TFEC: variants seen among roughly 807,000 people sequenced by gnomAD.
TFEC encodes the protein transcription factor EC, also known as class E basic helix-loop-helix protein 34.
In TFEC, 31 loss-of-function variants were observed where a neutral mutation model predicts 41.6. That is an observed-to-expected ratio of 0.74 (90% confidence interval 0.56 to 1.01). The LOEUF is 1.01. TFEC is among the 50% of genes least tolerant of loss of function. The pLI, the probability that TFEC is intolerant of heterozygous loss-of-function variation, is 0.00. For missense variants in TFEC, 402 were observed against 404.1 expected (o/e 0.99, Z 0.04); for synonymous variants, 143 against 140.6 (o/e 1.02, Z -0.12).
At chr7:115,948,072 C>G (rs1791704905) in intron 6 of TFEC, among the ~76,000 whole-genome samples, 1 of 152,148 alleles carries the variant, frequency 6.6e-6, no homozygotes, top group Non-Finnish European at 1.5e-5. Context: ...ACCAACACCT[C>G]TACTCAAATA....
intron 3 of TFEC, among the ~76,000 whole-genome samples, chr7:116,043,227 T>TA (rs1320487657): frequency 1.3e-5 from 2 of 152,164 alleles, no homozygotes; most frequent in African/African-American, 4.8e-5. Context: ...TATGTGGATA[T>TA]AATGATTTTC....
In TFEC at chr7:115,936,817, G is replaced by T. The variant is rs1793248901; in HGVS notation, c.*3734C>A. 1 of 151,402 alleles carries T rather than the reference G, an allele frequency of 6.6e-6. No homozygotes were observed. The highest frequency in any genetic ancestry group is 6.6e-5 in the Admixed American group (1 of 15,160). 9.4% of individuals were successfully genotyped at this position (151,402 alleles called of 1,614,324 possible). A position where few individuals can be genotyped will look rare whatever the true frequency, so the allele number is the denominator to read the frequency against. On this transcript the variant is annotated 3_prime_UTR_variant, in exon 8 of 8. Transcript: ENST00000265440. Reference sequence around the variant, plus strand: ...ACAGTCATGTAGGTGGGAAAAAAATGAGTTGAAAAAGGAAGAGGAAGGCTA... The same window carrying T: ...ACAGTCATGTAGGTGGGAAAAAAATTAGTTGAAAAAGGAAGAGGAAGGCTA...
At chr7:115,959,908 G>C (rs111853861) in intron 3 of TFEC, among the ~76,000 whole-genome samples, 34 of 151,498 alleles carry the variant, frequency 2.2e-4, no homozygotes, top group South Asian at 1.0e-3. Context: ...TTCGAAAAGA[G>C]AGAAAAATAA....
At chr7:116,030,773 T>C (rs1795761910), upstream of TFEC, 4 of 985,408 alleles carry the variant, frequency 4.1e-6, no homozygotes, top group South Asian at 1.4e-4. Flanking sequence ...TACTTTGGGC[T>C]GGTTGGAATC....
rs183406110 is a variant in TFEC, at chr7:116,086,171, C to T, written c.198+24537G>A. Among the ~76,000 whole-genome samples the T allele has an allele frequency of 1.8e-3, 279 of 151,562 alleles. 1 individual carries two copies. The highest frequency in any genetic ancestry group is 6.8e-3 in the Middle Eastern group (2 of 294). On this transcript the variant is annotated intron_variant, in intron 3 of 8. Coordinates refer to the TFEC transcript ENST00000484212. The stretch of plus-strand genomic sequence containing the variant: ...AAAGTATTTTCATTCTAATGATTTC[C>T]CTCAACTCAAATTTACATATTCGAA...
intron 3 of TFEC, among the ~76,000 whole-genome samples, chr7:115,961,682 A>C (rs1386484213): frequency 6.6e-6 from 1 of 151,704 alleles, no homozygotes; most frequent in Non-Finnish European, 1.5e-5. Flanking sequence ...AACATTTCAA[A>C]TGAAAGGAGA....
At chr7:115,985,047 T>C (rs1355580747) in intron 1 of TFEC, among the ~76,000 whole-genome samples, 1 of 152,074 alleles carries the variant, frequency 6.6e-6, no homozygotes, top group Non-Finnish European at 1.5e-5. Flanking sequence ...TTTTTCTACT[T>C]TTCTGTACTT....
chr7:115,948,763 G>GCAC (rs1280204218), intron 6 of TFEC, among the ~76,000 whole-genome samples: 2 of 148,454 alleles, frequency 1.3e-5, no homozygotes, highest in South Asian at 2.2e-4. Context: ...GCAAAAACTG[G>GCAC]AAGCATTCCC....
chr7:115,984,552 C>A (rs747079379), intron 1 of TFEC, 39 bp from the exon 2 acceptor site: 1 of 1,595,228 alleles, frequency 6.3e-7, no homozygotes, highest in Non-Finnish European at 8.6e-7. Context: ...TGTGCAGCAT[C>A]AGCTGTGAAA....
At chr7:116,143,930 T>G (rs553312043) in intron 1 of TFEC, among the ~76,000 whole-genome samples, 3 of 152,128 alleles carry the variant, frequency 2.0e-5, no homozygotes, top group Admixed American at 6.5e-5. Flanking sequence ...TAAGAAAAGG[T>G]AGAGCCTCGC....
At chr7:115,961,851 T>G (rs1255321403) in intron 3 of TFEC, among the ~76,000 whole-genome samples, 1 of 151,628 alleles carries the variant, frequency 6.6e-6, no homozygotes, top group African/African-American at 2.4e-5. Context: ...CTATCCATAT[T>G]GGAAAGGAAT....
chr7:115,991,450 G>C (rs1794108050), intron 1 of TFEC, among the ~76,000 whole-genome samples: 1 of 152,152 alleles, frequency 6.6e-6, no homozygotes, highest in Admixed American at 6.5e-5. Flanking sequence ...AAAGAGTCAA[G>C]AGCCATCAGT....
At chr7:116,042,456 T>G (rs1423064127) in intron 3 of TFEC, among the ~76,000 whole-genome samples, 1 of 152,192 alleles carries the variant, frequency 6.6e-6, no homozygotes, top group Non-Finnish European at 1.5e-5. Context: ...GCTAATGTTA[T>G]TTAATTCTGA....
At chr7:116,121,182 G>A (rs1562977085) in intron 1 of TFEC, among the ~76,000 whole-genome samples, 1 of 151,908 alleles carries the variant, frequency 6.6e-6, no homozygotes, top group Non-Finnish European at 1.5e-5. Context: ...TCTGCAAAAT[G>A]AGGTATATAC....
In TFEC at chr7:116,129,024, C is replaced by A. The variant is rs918949810; in HGVS notation, c.-68-16986G>T. Among the ~76,000 whole-genome samples the A allele has an allele frequency of 3.4e-4, 52 of 150,938 alleles. 1 individual carries two copies. The highest frequency in any genetic ancestry group is 6.3e-4 in the South Asian group (3 of 4,780). The stretch of plus-strand genomic sequence containing the variant: ...ACGAATTATTACATTGAAAAAAAAA[C>A]CAAAGTCCAGACATGTACTGTTTTC... On this transcript the variant is annotated intron_variant, in intron 1 of 8. Transcript: ENST00000484212.
chr7:116,062,573 A>ATG (rs1796591771), intron 3 of TFEC, among the ~76,000 whole-genome samples: 1 of 71,866 alleles, frequency 1.4e-5, no homozygotes, highest in Non-Finnish European at 2.8e-5. Context: ...ATATATATAT[A>ATG]TATATATATA....
At chr7:116,051,051 A>C (rs1796298042) in intron 3 of TFEC, among the ~76,000 whole-genome samples, 1 of 152,222 alleles carries the variant, frequency 6.6e-6, no homozygotes, top group South Asian at 2.1e-4. Flanking sequence ...GCAAGGACAG[A>C]AAACCAAACA....
At chr7:116,155,463 C>T (rs952640593) in intron 1 of TFEC, among the ~76,000 whole-genome samples, 2 of 152,176 alleles carry the variant, frequency 1.3e-5, no homozygotes, top group African/African-American at 4.8e-5. Context: ...CCAGCATCTA[C>T]CTCAGATGGC....
intron 3 of TFEC, among the ~76,000 whole-genome samples, chr7:116,052,002 G>T (rs1043647173): frequency 6.6e-6 from 1 of 151,652 alleles, no homozygotes; most frequent in Admixed American, 6.6e-5. Context: ...CCCATTTCCT[G>T]ATATGGGTAA....
Sources: allele counts gnomAD v4.1 joint callset (sites outside exome capture counted in the v4.1 genomes callset), GRCh38; gene constraint gnomAD v4.1.1; transcripts MANE v1.5; gene names NCBI Gene and HGNC (gene_info 2026-07-23, HGNC 2026-07-21).